TMEM217B: variants seen among roughly 807,000 people sequenced by gnomAD.
TMEM217B encodes the protein transmembrane protein 217B.
At chr6:37,225,913 G>T in the TMEM217B span, among the ~76,000 whole-genome samples, 1 of 152,124 alleles carries the variant, frequency 6.6e-6, no homozygotes, top group Non-Finnish European at 1.5e-5. Context: ...GCCATGATTG[G>T]AACTGATCTA....
the TMEM217B span, chr6:37,217,922 T>C: frequency 3.0e-6 from 3 of 986,116 alleles, no homozygotes; most frequent in Non-Finnish European, 3.6e-6. Context: ...CACAGAAGTT[T>C]TGATAAATCA....
the TMEM217B span, among the ~76,000 whole-genome samples, chr6:37,215,815 A>T: frequency 1.3e-5 from 2 of 152,096 alleles, no homozygotes; most frequent in Non-Finnish European, 1.5e-5. Context: ...CCAGCAAAGG[A>T]GACAACACAA....
chr6:37,248,374 C>T, the TMEM217B span, among the ~76,000 whole-genome samples: 1 of 152,198 alleles, frequency 6.6e-6, no homozygotes, highest in Non-Finnish European at 1.5e-5. Context: ...TGGTGCAGTG[C>T]TGCATTGAAT....
At chr6:37,213,148 C>A in the TMEM217B span, among the ~76,000 whole-genome samples, 56 of 152,276 alleles carry the variant, frequency 3.7e-4, no homozygotes, top group African/African-American at 1.3e-3. Flanking sequence ...TGGGGTCTGG[C>A]CCGTGCTCTG....
At chr6:37,218,164 G>A in the TMEM217B span, 171 of 1,164,810 alleles carry the variant, frequency 1.5e-4, no homozygotes, top group Non-Finnish European at 1.7e-4. Flanking sequence ...GGATAAAGCT[G>A]CTAACTTTTT....
chr6:37,215,447 C>T, the TMEM217B span, among the ~76,000 whole-genome samples: 1,042 of 151,594 alleles, frequency 6.9e-3, 13 homozygotes, highest in African/African-American at 0.023. Context: ...TGGTGGCACG[C>T]GCCAACTACC....
chr6:37,234,826 G>C, the TMEM217B span, among the ~76,000 whole-genome samples: 1 of 152,086 alleles, frequency 6.6e-6, no homozygotes, highest in Non-Finnish European at 1.5e-5. Context: ...ACTGAAAGTG[G>C]TTACCTGTGA....
the TMEM217B span, among the ~76,000 whole-genome samples, chr6:37,232,450 A>G: frequency 2.8e-3 from 424 of 152,310 alleles, 1 homozygote; most frequent in African/African-American, 9.7e-3. Context: ...CAGTGGCACA[A>G]TCTTGGCTAA....
the TMEM217B span, among the ~76,000 whole-genome samples, chr6:37,223,675 AT>A: frequency 6.6e-6 from 1 of 151,660 alleles, no homozygotes; most frequent in East Asian, 1.9e-4. Context: ...TGCCCAGCTA[AT>A]TTTTGCATTT....
At chr6:37,234,918 A>G in the TMEM217B span, among the ~76,000 whole-genome samples, 1 of 152,188 alleles carries the variant, frequency 6.6e-6, no homozygotes, top group Non-Finnish European at 1.5e-5. Flanking sequence ...TTACACACCC[A>G]TGCACAATTT....
chr6:37,229,349 T>TTTTTTG, the TMEM217B span, among the ~76,000 whole-genome samples: 35 of 134,792 alleles, frequency 2.6e-4, no homozygotes, highest in Admixed American at 6.7e-4. Flanking sequence ...TTTTTTTTTT[T>TTTTTTG]TTTTTTTTTT....
the TMEM217B span, among the ~76,000 whole-genome samples, chr6:37,244,780 G>A: frequency 5.9e-5 from 9 of 152,222 alleles, no homozygotes; most frequent in African/African-American, 2.2e-4. Flanking sequence ...GCTGGGCTGG[G>A]CTGAGCTGAG....
the TMEM217B span, chr6:37,218,297 T>G: frequency 8.5e-7 from 1 of 1,170,832 alleles, no homozygotes; most frequent in Non-Finnish European, 1.2e-6. Flanking sequence ...GCCTCTCAAG[T>G]GGCTGGGATT....
the TMEM217B span, among the ~76,000 whole-genome samples, chr6:37,243,105 C>T: frequency 5.3e-5 from 8 of 151,420 alleles, no homozygotes; most frequent in South Asian, 1.3e-3. Flanking sequence ...CCTGCCCCTA[C>T]AAAAAAAAGA....
At chr6:37,242,961 G>A in the TMEM217B span, among the ~76,000 whole-genome samples, 12 of 152,222 alleles carry the variant, frequency 7.9e-5, no homozygotes, top group African/African-American at 2.6e-4. Flanking sequence ...ATGGCTCATT[G>A]GTCAGAACTG....
chr6:37,250,243 T>C, the TMEM217B span, among the ~76,000 whole-genome samples: 2 of 151,448 alleles, frequency 1.3e-5, no homozygotes, highest in South Asian at 2.1e-4. Context: ...TTCTGCAGAG[T>C]GGTTACATCT....
the TMEM217B span, among the ~76,000 whole-genome samples, chr6:37,254,876 G>A: frequency 6.6e-6 from 1 of 152,068 alleles, no homozygotes; most frequent in Admixed American, 6.6e-5. Flanking sequence ...GGGGAGGGGG[G>A]TTAAAGGATG....
At chr6:37,235,973 C>T in the TMEM217B span, among the ~76,000 whole-genome samples, 1 of 152,048 alleles carries the variant, frequency 6.6e-6, no homozygotes, top group Non-Finnish European at 1.5e-5. Flanking sequence ...CAAACCACAG[C>T]AATATCTTTA....
chr6:37,214,457 C>A, the TMEM217B span, among the ~76,000 whole-genome samples: 1 of 152,146 alleles, frequency 6.6e-6, no homozygotes, highest in Non-Finnish European at 1.5e-5. Flanking sequence ...GAACCCCTGA[C>A]CACAAGTGAT....
Sources: gnomAD v4.1 joint callset for allele counts (sites outside exome capture counted in the v4.1 genomes callset) on GRCh38, gnomAD v4.1.1 for gene constraint, MANE v1.5 for transcripts, NCBI Gene and HGNC (gene_info 2026-07-23, HGNC 2026-07-21) for gene names.